Variants in PCDH15 observed in about 807,000 individuals in gnomAD.
PCDH15 encodes the protein protocadherin related 15.
A neutral mutation model predicts 178.5 loss-of-function variants in PCDH15; 129 were observed. The observed-to-expected ratio is 0.72, with a 90% CI of 0.63 to 0.84. PCDH15 has a LOEUF of 0.84. PCDH15 is among the 40% of genes least tolerant of loss of function. The pLI, the probability that PCDH15 is intolerant of heterozygous loss-of-function variation, is 0.00. For missense variants in PCDH15, 2,230 were observed against 2,099.9 expected (o/e 1.06, Z -1.21); for synonymous variants, 800 against 732.0 (o/e 1.09, Z -1.50).
chr10:54,474,579 T>A (rs1468139245), intron 3 of PCDH15, among the ~76,000 whole-genome samples: 1 of 151,994 alleles, frequency 6.6e-6, no homozygotes, highest in Admixed American at 6.6e-5. Flanking sequence ...AGGCTGCTGA[T>A]AAATAGACAG....
At chr10:55,136,047 T>C (rs1184005497) in intron 2 of PCDH15, among the ~76,000 whole-genome samples, 2 of 152,162 alleles carry the variant, frequency 1.3e-5, no homozygotes, top group Non-Finnish European at 2.9e-5. Flanking sequence ...TCTAAATGAA[T>C]TTCATATCTG....
intron 3 of PCDH15, among the ~76,000 whole-genome samples, chr10:54,480,407 C>T (rs1373686278): frequency 6.6e-6 from 1 of 151,998 alleles, no homozygotes; most frequent in Non-Finnish European, 1.5e-5. Context: ...CTCAGCAAAA[C>T]CGTAAGTGGC....
intron 2 of PCDH15, among the ~76,000 whole-genome samples, chr10:55,048,578 T>C (rs1841074237): frequency 6.6e-6 from 1 of 151,956 alleles, no homozygotes; most frequent in African/African-American, 2.4e-5. Flanking sequence ...GAACTCTCAG[T>C]CAAGTGGTGT....
intron 5 of PCDH15, among the ~76,000 whole-genome samples, chr10:54,354,134 C>A (rs1040568436): frequency 6.6e-6 from 1 of 152,098 alleles, no homozygotes; most frequent in Non-Finnish European, 1.5e-5. Flanking sequence ...TACAGGCATG[C>A]GCCACCACGC....
chr10:55,423,866 A>T (rs1838684801), intron 2 of PCDH15, among the ~76,000 whole-genome samples: 1 of 152,128 alleles, frequency 6.6e-6, no homozygotes, highest in Admixed American at 6.6e-5. Context: ...TTCATTTTTA[A>T]AATGTAAGTT....
At chr10:54,202,523 A>G (rs1474670856) in intron 10 of PCDH15, among the ~76,000 whole-genome samples, 3 of 152,120 alleles carry the variant, frequency 2.0e-5, no homozygotes. Context: ...TAAAAAGCAG[A>G]TTCCCTGGGC....
intron 2 of PCDH15, among the ~76,000 whole-genome samples, chr10:54,948,942 C>A (rs1424111300): frequency 6.6e-6 from 1 of 151,768 alleles, no homozygotes; most frequent in Non-Finnish European, 1.5e-5. Flanking sequence ...GCCTTGGTCT[C>A]TTTTTTTAAG....
intron 1 of PCDH15, among the ~76,000 whole-genome samples, chr10:54,797,402 G>A (rs1284672258): frequency 2.0e-5 from 3 of 151,792 alleles, no homozygotes; most frequent in Non-Finnish European, 2.9e-5. Flanking sequence ...AAGGGTGAAT[G>A]CAACCTTTAA....
At chr10:54,579,492 A>G (rs1054797943) in intron 2 of PCDH15, among the ~76,000 whole-genome samples, 6 of 152,114 alleles carry the variant, frequency 3.9e-5, no homozygotes, top group African/African-American at 1.4e-4. Context: ...TCATAAAACA[A>G]ATACTTCAAA....
At chr10:55,084,798 C>T (rs1159862008) in intron 2 of PCDH15, among the ~76,000 whole-genome samples, 2 of 151,850 alleles carry the variant, frequency 1.3e-5, no homozygotes, top group African/African-American at 4.8e-5. Flanking sequence ...AGAAGACATA[C>T]AAATGGCAAA....
At chr10:54,690,383 C>T (rs115380641) in intron 1 of PCDH15, among the ~76,000 whole-genome samples, 2,492 of 145,426 alleles carry the variant, frequency 0.017, 64 homozygotes, top group African/African-American at 0.058. Context: ...GGCACCATCT[C>T]GGCTCACTGT....
intron 18 of PCDH15, among the ~76,000 whole-genome samples, chr10:54,053,699 T>C (rs1050158332): frequency 2.0e-5 from 3 of 152,180 alleles, no homozygotes; most frequent in Non-Finnish European, 4.4e-5. Flanking sequence ...TGGCTAGAGA[T>C]AAAGTTGTCA....
chr10:55,610,222 T>G (rs1487228937), intron 2 of PCDH15, among the ~76,000 whole-genome samples: 1 of 152,100 alleles, frequency 6.6e-6, no homozygotes, highest in East Asian at 1.9e-4. Flanking sequence ...GCAGTTTAAA[T>G]TTGTTTAACA....
chr10:54,273,736 T>C (rs1000919035), intron 8 of PCDH15, among the ~76,000 whole-genome samples: 5 of 152,022 alleles, frequency 3.3e-5, no homozygotes, highest in African/African-American at 1.2e-4. Context: ...TGGGTGAACA[T>C]AAACCACACT....
intron 3 of PCDH15, among the ~76,000 whole-genome samples, chr10:54,475,557 C>G (rs1228704494): frequency 6.6e-6 from 1 of 151,912 alleles, no homozygotes; most frequent in Non-Finnish European, 1.5e-5. Context: ...CCTATACAGA[C>G]CTTTAAACAG....
At chr10:55,016,654 G>A (rs1193717597) in intron 2 of PCDH15, among the ~76,000 whole-genome samples, 3 of 152,130 alleles carry the variant, frequency 2.0e-5, no homozygotes, top group Admixed American at 2.0e-4. Context: ...ATCATCTGTT[G>A]ATGGACACAG....
intron 16 of PCDH15, among the ~76,000 whole-genome samples, chr10:54,082,529 G>A (rs926318789): frequency 7.2e-5 from 11 of 152,068 alleles, no homozygotes; most frequent in African/African-American, 2.4e-4. Flanking sequence ...TGGAACAAAT[G>A]GAAATCTATA....
intron 2 of PCDH15, among the ~76,000 whole-genome samples, chr10:55,420,794 C>T (rs554852116): frequency 2.5e-4 from 38 of 151,730 alleles, no homozygotes; most frequent in African/African-American, 5.3e-4. Flanking sequence ...TAATGATCAA[C>T]TACAAATCAG....
chr10:54,940,610 A>G (rs1043732044), intron 2 of PCDH15, among the ~76,000 whole-genome samples: 2 of 151,996 alleles, frequency 1.3e-5, no homozygotes, highest in African/African-American at 4.8e-5. Flanking sequence ...TACTTGTTCC[A>G]TCTACTGTTG....
Sources: gnomAD v4.1 joint callset for allele counts (sites outside exome capture counted in the v4.1 genomes callset) on GRCh38, gnomAD v4.1.1 for gene constraint, MANE v1.5 for transcripts, NCBI Gene and HGNC (gene_info 2026-07-23, HGNC 2026-07-21) for gene names.